Variants in KIRREL3 observed in about 807,000 individuals in gnomAD.
KIRREL3 encodes the protein kirre like nephrin family adhesion molecule 3, also known as kin of IRRE-like protein 3.
KIRREL3 carries 36 observed loss-of-function variants against 89.7 expected under a neutral mutation model. The observed-to-expected ratio is 0.40, with a 90% CI of 0.31 to 0.53. KIRREL3 has a LOEUF of 0.53. Ranked by LOEUF, KIRREL3 falls within the 20% of genes least tolerant of loss-of-function variation. The probability of loss-of-function intolerance (pLI) is 0.49; values close to 1 mark genes in which losing one functional copy is unlikely to be tolerated. For missense variants in KIRREL3, 864 were observed against 1,056.6 expected (o/e 0.82, Z 2.53); for synonymous variants, 445 against 441.4 (o/e 1.01, Z -0.10).
chr11:126,840,406 T>C (rs983868222), intron 1 of KIRREL3, among the ~76,000 whole-genome samples: 1 of 152,190 alleles, frequency 6.6e-6, no homozygotes, highest in Non-Finnish European at 1.5e-5. Context: ...TATTTTCCAT[T>C]ACTCATAGGA....
rs1478468877 is a variant in KIRREL3, at chr11:126,622,703, AC to A, written c.56-59792del. Among the ~76,000 whole-genome samples, 1 of 152,196 alleles carries A rather than the reference AC, an allele frequency of 6.6e-6. No homozygotes were observed. Among genetic ancestry groups the A allele is most frequent in the Non-Finnish European group, 1.5e-5 (1 of 68,042 alleles). On this transcript the variant is annotated intron_variant, in intron 1 of 16. Transcript: ENST00000525144. The surrounding 1 kb of genome is among the most constrained non-coding windows in gnomAD (Gnocchi z 5.2). ...AAACTCTGTCTCAAAAAACAAAAAA[AC>A]AAATAAAAACTCCACAAAACTTCAG...
Position 126,983,967 on chromosome 11 carries a change from G to A in KIRREL3, c.55+16488C>T, listed in dbSNP as rs1949784702. 6.6e-6 allele frequency among the ~76,000 whole-genome samples: 1 copy of A among 151,950 alleles called. No homozygotes were observed. Among genetic ancestry groups the A allele is most frequent in the South Asian group, 2.1e-4 (1 of 4,792 alleles). On this transcript the variant is annotated intron_variant, in intron 1 of 16. Transcript: ENST00000525144. The surrounding 1 kb of genome is among the most constrained non-coding windows in gnomAD (Gnocchi z 4.9). ...ATCTAGTATCATTTTAGATGCATAG[G>A]AAATAATTTAATTCATTGCATGTAA... is the stretch of plus-strand genomic sequence containing the variant.
In KIRREL3 at chr11:126,471,213, A is replaced by G. The variant is rs1956882076; in HGVS notation, c.591+2096T>C. 6.6e-6 allele frequency among the ~76,000 whole-genome samples: 1 copy of G among 151,778 alleles called. No individual in the cohort carries two copies. Among genetic ancestry groups the G allele is most frequent in the Non-Finnish European group, 1.5e-5 (1 of 67,944 alleles). On this transcript the variant is annotated intron_variant, in intron 5 of 16. Transcript: ENST00000525144. The surrounding 1 kb of genome is among the most constrained non-coding windows in gnomAD (Gnocchi z 5.4). ...TCTCTTTTAAAAATACAAAAAAAGA[A>G]AAAAAAATTAGCTGGGCATGATGGC...
In KIRREL3 at chr11:126,651,514, C is replaced by T. The variant is rs574352783; in HGVS notation, c.56-88602G>A. 6.6e-6 allele frequency among the ~76,000 whole-genome samples: 1 copy of T among 152,366 alleles called. No homozygotes were observed. The highest frequency in any genetic ancestry group is 1.5e-5 in the Non-Finnish European group (1 of 68,042). ...TAGTCTTAGTTATCCTGGAGCCTAA[C>T]TGGATCTTGGGAATAAATCTCTTAT... On this transcript the variant is annotated intron_variant, in intron 1 of 16. Coordinates refer to ENST00000525144, the MANE Select transcript of KIRREL3 (RefSeq NM_032531.4). This position sits in a 1 kb window ranked among gnomAD's most constrained non-coding sequence, Gnocchi z 4.6.
At chr11:126,589,918 T>A (rs1942057229) in intron 1 of KIRREL3, among the ~76,000 whole-genome samples, 1 of 152,224 alleles carries the variant, frequency 6.6e-6, no homozygotes, top group Admixed American at 6.5e-5. Context: ...CAGTTACTCC[T>A]GAACGCTCCT....
At chr11:126,828,566 C>A (rs148625762) in intron 1 of KIRREL3, among the ~76,000 whole-genome samples, 20 of 152,122 alleles carry the variant, frequency 1.3e-4, no homozygotes, top group Non-Finnish European at 1.2e-4. Flanking sequence ...CAGGTGTCAA[C>A]GCAGCAGACA....
At chr11:126,775,692 C>G (rs1028974828) in intron 1 of KIRREL3, among the ~76,000 whole-genome samples, 3 of 152,182 alleles carry the variant, frequency 2.0e-5, no homozygotes, top group Non-Finnish European at 2.9e-5. Flanking sequence ...GTACCACATA[C>G]TGGGAATTAT....
At chr11:126,494,914 C>T (rs1957614311) in intron 4 of KIRREL3, among the ~76,000 whole-genome samples, 1 of 152,244 alleles carries the variant, frequency 6.6e-6, no homozygotes, top group African/African-American at 2.4e-5. Flanking sequence ...AATCAGGCCA[C>T]AAGGGCCCCG....
intron 1 of KIRREL3, among the ~76,000 whole-genome samples, chr11:126,986,106 G>T (rs972215720): frequency 6.6e-6 from 1 of 152,076 alleles, no homozygotes; most frequent in Non-Finnish European, 1.5e-5. Flanking sequence ...GGGTGTACAC[G>T]GCATCCACTG....
At chr11:126,559,710 C>T (rs1939968974) in intron 2 of KIRREL3, among the ~76,000 whole-genome samples, 1 of 152,028 alleles carries the variant, frequency 6.6e-6, no homozygotes, top group Non-Finnish European at 1.5e-5. Context: ...CACTCTGTCA[C>T]TCAGGCTGGG....
chr11:126,896,047 C>T lies in KIRREL3; in HGVS notation c.55+104408G>A, dbSNP rs939275124. ...ATTATCCCCCATTCATTTCAAAGCA[C>T]CTTCATCCCACTCAGGGATTACATT... On this transcript the variant is annotated intron_variant, in intron 1 of 16. Coordinates refer to ENST00000525144, the MANE Select transcript of KIRREL3 (RefSeq NM_032531.4). This position sits in a 1 kb window ranked among gnomAD's most constrained non-coding sequence, Gnocchi z 4.1. 6.6e-6 allele frequency among the ~76,000 whole-genome samples: 1 copy of T among 152,228 alleles called. No homozygotes were observed. Among genetic ancestry groups the T allele is most frequent in the Non-Finnish European group, 1.5e-5 (1 of 68,044 alleles).
chr11:126,559,433 C>T (rs1939947321), intron 2 of KIRREL3, among the ~76,000 whole-genome samples: 1 of 152,242 alleles, frequency 6.6e-6, no homozygotes, highest in Admixed American at 6.5e-5. Context: ...CTTTGCCCTC[C>T]TCCAGCTGAT....
chr11:126,583,404 G>A (rs748851858), intron 1 of KIRREL3, among the ~76,000 whole-genome samples: 4 of 152,310 alleles, frequency 2.6e-5, no homozygotes, highest in South Asian at 4.1e-4. Flanking sequence ...CATGGCTGAG[G>A]TTGAGCTGGT....
Position 126,605,747 on chromosome 11 carries a change from G to A in KIRREL3, c.56-42835C>T, listed in dbSNP as rs935992086. ...TGAGTTGAGTAGGGATGCTGGGAGTGGGAATGGGGTGGGGAAAGCATGGGG... is the reference window on the plus strand; with the variant it reads ...TGAGTTGAGTAGGGATGCTGGGAGTAGGAATGGGGTGGGGAAAGCATGGGG... On this transcript the variant is annotated intron_variant, in intron 1 of 16. Coordinates refer to ENST00000525144, the MANE Select transcript of KIRREL3 (RefSeq NM_032531.4). This position sits in a 1 kb window ranked among gnomAD's most constrained non-coding sequence, Gnocchi z 5.7. 6.6e-6 allele frequency among the ~76,000 whole-genome samples: 1 copy of A among 152,256 alleles called. No homozygotes were observed. The highest frequency in any genetic ancestry group is 1.5e-5 in the Non-Finnish European group (1 of 68,048).
intron 1 of KIRREL3, among the ~76,000 whole-genome samples, chr11:126,602,733 C>T (rs564471270): frequency 6.6e-6 from 1 of 152,212 alleles, no homozygotes; most frequent in Non-Finnish European, 1.5e-5. Context: ...CTTACTGAGA[C>T]CTTGGCACCA....
intron 1 of KIRREL3, among the ~76,000 whole-genome samples, chr11:126,939,302 C>G (rs537793940): frequency 6.6e-6 from 1 of 152,154 alleles, no homozygotes; most frequent in Non-Finnish European, 1.5e-5. Context: ...CACCTTCGAG[C>G]GCTTAATTAG....
chr11:126,726,983 A>C (rs2134183871), intron 1 of KIRREL3, among the ~76,000 whole-genome samples: 1 of 152,188 alleles, frequency 6.6e-6, no homozygotes, highest in South Asian at 2.1e-4. Context: ...GAGCCGCCTT[A>C]CCCTCTGGGA....
At chr11:126,660,780 T>C (rs1355686175) in intron 1 of KIRREL3, among the ~76,000 whole-genome samples, 1 of 152,134 alleles carries the variant, frequency 6.6e-6, no homozygotes, top group Non-Finnish European at 1.5e-5. Flanking sequence ...TGAGGCTTGG[T>C]TAGTAAAGGA....
intron 1 of KIRREL3, among the ~76,000 whole-genome samples, chr11:126,582,411 C>T (rs955907292): frequency 1.3e-5 from 2 of 152,182 alleles, no homozygotes; most frequent in African/African-American, 4.8e-5. Flanking sequence ...GAACGCATTC[C>T]CCTGATGCTG....
Sources: gnomAD v4.1 joint callset for allele counts (sites outside exome capture counted in the v4.1 genomes callset) on GRCh38, gnomAD v4.1.1 for gene constraint, Gnocchi (gnomAD v3.1) non-coding constraint, MANE v1.5 for transcripts, NCBI Gene and HGNC (gene_info 2026-07-23, HGNC 2026-07-21) for gene names.